Variants in RIMS1 observed in about 807,000 individuals in gnomAD.
RIMS1 encodes regulating synaptic membrane exocytosis 1, also known as regulating synaptic membrane exocytosis protein 1.
A neutral mutation model predicts 214.1 loss-of-function variants in RIMS1; 83 were observed. The observed-to-expected ratio is 0.39, with a 90% CI of 0.32 to 0.47. The LOEUF (loss-of-function observed/expected upper bound fraction) is 0.47. RIMS1 is among the 20% of genes least tolerant of loss of function. The probability of loss-of-function intolerance (pLI) is 0.99; values close to 1 mark genes in which losing one functional copy is unlikely to be tolerated. For synonymous variants in RIMS1, 793 were observed against 786.8 expected, an observed-to-expected ratio of 1.01 and a Z score of -0.13; for missense variants, 2,050 against 2,161.8, an observed-to-expected ratio of 0.95 and a Z score of 1.03.
chr6:72,338,406 T>C (rs2096923311), intron 29 of RIMS1, among the ~76,000 whole-genome samples: 1 of 152,068 alleles, frequency 6.6e-6, no homozygotes, highest in African/African-American at 2.4e-5. Flanking sequence ...GACATAGGCA[T>C]GGGCAAGGAC....
At chr6:72,258,463 T>C (rs951797474) in intron 17 of RIMS1, among the ~76,000 whole-genome samples, 182 bp downstream of exon 17, 4 of 152,160 alleles carry the variant, frequency 2.6e-5, no homozygotes, top group African/African-American at 9.7e-5. Flanking sequence ...TTGTTTAATC[T>C]GAAGAAATTT....
At chr6:72,288,441 T>C (rs1452030075) in intron 24 of RIMS1, among the ~76,000 whole-genome samples, 1 of 152,148 alleles carries the variant, frequency 6.6e-6, no homozygotes, top group Non-Finnish European at 1.5e-5. Context: ...GGAATAGCTG[T>C]TACTGTTATG....
chr6:72,334,543 A>G (rs1194114773), intron 29 of RIMS1, among the ~76,000 whole-genome samples: 1 of 151,918 alleles, frequency 6.6e-6, no homozygotes, highest in Non-Finnish European at 1.5e-5. Context: ...AATTGGCCAG[A>G]CAGATTAGAT....
chr6:71,916,652 T>C (rs1318997950), intron 1 of RIMS1, among the ~76,000 whole-genome samples: 4 of 152,140 alleles, frequency 2.6e-5, no homozygotes, highest in East Asian at 3.8e-4. Context: ...TCTAGAATTA[T>C]AGCGAACCGG....
rs749556010 is a variant in RIMS1, at chr6:72,258,303, G to T, written c.2927+22G>T. On this transcript the variant is annotated intron_variant, in intron 17 of 33. Transcript: ENST00000521978. The stretch of plus-strand genomic sequence containing the variant: ...AGAGGTAGGCTTTGAAATGGGCTCA[G>T]TGTCCCTGACAGTACATTTTTATTA... 19 of 1,608,720 alleles carry T rather than the reference G, an allele frequency of 1.2e-5. 1 individual carries two copies. The South Asian group carries it at 2.0e-4, about 17-fold the overall frequency.
intron 6 of RIMS1, among the ~76,000 whole-genome samples, chr6:72,188,466 G>T (rs1463357358): frequency 6.6e-6 from 1 of 152,184 alleles, no homozygotes; most frequent in African/African-American, 2.4e-5. Context: ...TATGTCACAT[G>T]ATAAAGGAAA....
chr6:72,196,540 CCCGTTTG>C (rs1267886312), intron 6 of RIMS1, among the ~76,000 whole-genome samples: 1 of 141,310 alleles, frequency 7.1e-6, no homozygotes, highest in Non-Finnish European at 1.5e-5. Context: ...TAACCCATTT[CCCGTTTG>C]CCCTAAAAGT....
chr6:71,934,705 G>C (rs778638847), intron 1 of RIMS1, among the ~76,000 whole-genome samples: 7 of 152,166 alleles, frequency 4.6e-5, no homozygotes, highest in Non-Finnish European at 1.0e-4. Context: ...AGGAAAAAAG[G>C]TTAATGCAGA....
intron 6 of RIMS1, among the ~76,000 whole-genome samples, chr6:72,195,100 G>T (rs115256346): frequency 0.028 from 4,277 of 152,178 alleles, 128 homozygotes; most frequent in African/African-American, 0.077. Flanking sequence ...AAATTAAGGT[G>T]CTGTCTTGAT....
intron 2 of RIMS1, among the ~76,000 whole-genome samples, chr6:72,065,271 G>T (rs1210507859): frequency 6.6e-6 from 1 of 152,126 alleles, no homozygotes; most frequent in Non-Finnish European, 1.5e-5. Flanking sequence ...ATCTGCACTT[G>T]TATTACCAGT....
chr6:72,186,477 G>A (rs1158015269), intron 6 of RIMS1, among the ~76,000 whole-genome samples: 2 of 152,198 alleles, frequency 1.3e-5, no homozygotes, highest in East Asian at 3.8e-4. Context: ...TAGTGCTTAT[G>A]TAGAAAAGGT....
chr6:72,227,382 G>T (rs1490622638), intron 6 of RIMS1, among the ~76,000 whole-genome samples: 1 of 151,332 alleles, frequency 6.6e-6, no homozygotes, highest in East Asian at 1.9e-4. Flanking sequence ...GCAGTTTCGT[G>T]CACATTATCT....
At chr6:72,117,043 C>T (rs1299264028) in intron 4 of RIMS1, among the ~76,000 whole-genome samples, 4 of 151,904 alleles carry the variant, frequency 2.6e-5, no homozygotes, top group Non-Finnish European at 5.9e-5. Context: ...GTTTGATTTG[C>T]TCTATGCTTG....
chr6:72,183,213 A>T (rs1346014070), intron 6 of RIMS1, 64 bp downstream of exon 6: 2 of 1,521,252 alleles, frequency 1.3e-6, no homozygotes, highest in Non-Finnish European at 1.8e-6. Flanking sequence ...GCAGAGGTGC[A>T]GGTGCTAGGC....
At chr6:72,008,519 A>G (rs1435519540) in intron 2 of RIMS1, among the ~76,000 whole-genome samples, 3 of 152,220 alleles carry the variant, frequency 2.0e-5, no homozygotes, top group Non-Finnish European at 4.4e-5. Flanking sequence ...ATTAAAAGAC[A>G]CAAACTGGCA....
chr6:72,010,641 A>G (rs1365259229), intron 2 of RIMS1, among the ~76,000 whole-genome samples: 1 of 152,220 alleles, frequency 6.6e-6, no homozygotes. Flanking sequence ...GTCTCAGGAT[A>G]CAAAATCAAT....
rs1167168881 is a variant in RIMS1, at chr6:72,182,351, C to T, written c.880C>T (p.Pro294Ser). 2 of 1,613,256 alleles carry T rather than the reference C, an allele frequency of 1.2e-6. No homozygotes were observed. The highest frequency in any genetic ancestry group is 3.3e-5 in the Admixed American group (2 of 59,936). The change falls in exon 6 of 34, where the codon CCA (proline) becomes TCA (serine). Residue 294 changes from proline (P) to serine (S), a missense_variant. Pro to Ser is a moderately conservative substitution (Grantham distance 74, BLOSUM62 -1). Around this residue, in one of 6 missense-constraint regions of RIMS1, gnomAD observed 882 missense variants for 828.9 expected, o/e 1.06. Transcript: ENST00000521978. ...CCTGAAGAGCGAGCGGAAACGCGTG[C>T]CAAAGACCTCAGCGCAGCCCGTGGA... is the stretch of plus-strand genomic sequence containing the variant. ...GALKSERKRV[P>S]KTSAQPVEGA...
chr6:71,900,022 T>C (rs1349585842), intron 1 of RIMS1, among the ~76,000 whole-genome samples: 1 of 152,140 alleles, frequency 6.6e-6, no homozygotes, highest in Non-Finnish European at 1.5e-5. Flanking sequence ...AATTAAAATC[T>C]ATGATAAAGG....
intron 6 of RIMS1, among the ~76,000 whole-genome samples, chr6:72,194,267 C>T (rs1272953746): frequency 2.0e-5 from 3 of 151,812 alleles, no homozygotes; most frequent in Non-Finnish European, 4.4e-5. Flanking sequence ...ATTTTTGAAT[C>T]TCAGGTGGGG....
Sources: gnomAD v4.1 joint callset for allele counts (sites outside exome capture counted in the v4.1 genomes callset) on GRCh38, gnomAD v4.1.1 for gene constraint, gnomAD v4.1.1 regional missense constraint, MANE v1.5 for transcripts, NCBI Gene and HGNC (gene_info 2026-07-23, HGNC 2026-07-21) for gene names.